The following C10orf71 variants were observed in gnomAD, a reference collection of about 807,000 sequenced individuals.
The protein encoded by C10orf71 is cardiac-enriched FHL2-interacting protein.
For missense variants in C10orf71, 1,869 were observed against 1,804.5 expected (o/e 1.04, Z -0.65); for synonymous variants, 758 against 726.3 (o/e 1.04, Z -0.70).
At chr10:49,297,210 C>A (rs1247638125), upstream of C10orf71, among the ~76,000 whole-genome samples, 1 of 152,204 alleles carries the variant, frequency 6.6e-6, no homozygotes, top group African/African-American at 2.4e-5. Context: ...GGAAGACCAG[C>A]GGCCCTGCCG....
intron 1 of C10orf71, among the ~76,000 whole-genome samples, chr10:49,310,801 G>GAT (rs397722282): frequency 2.6e-5 from 4 of 151,218 alleles, no homozygotes; most frequent in African/African-American, 4.9e-5. Context: ...TGATGATGAT[G>GAT]GTGATGATGA....
At position 49,324,876 on chromosome 10, in the gene C10orf71, T is replaced by A; in HGVS notation, c.2331T>A (p.Asp777Glu). 6.4e-7 allele frequency: 1 copy of A among 1,551,796 alleles called. No homozygotes were observed. The highest frequency in any genetic ancestry group is 8.7e-7 in the Non-Finnish European group (1 of 1,146,988). Reference protein sequence around the residue: ...KDEKENVMRKDELQYCALSNG... With the variant: ...KDEKENVMRKEELQYCALSNG... ...AGAAGGAGAATGTGATGCGGAAGGATGAGCTGCAGTACTGTGCCTTAAGCA... is the reference window on the plus strand; with the variant it reads ...AGAAGGAGAATGTGATGCGGAAGGAAGAGCTGCAGTACTGTGCCTTAAGCA... The change falls in exon 3 of 3, where the codon GAT (aspartate) becomes GAA (glutamate). Residue 777 changes from aspartate to glutamate, a missense_variant. Transcript: ENST00000374144.
rs1848681850 is a variant in C10orf71, at chr10:49,299,238, G to C, written c.-248+5G>C. Reference sequence around the variant, plus strand: ...CCCGGCTGGGTCTCTATTTAGGTAAGCTTCGCGGACTTCCCGTGTCTGGCC... The same window carrying C: ...CCCGGCTGGGTCTCTATTTAGGTAACCTTCGCGGACTTCCCGTGTCTGGCC... On this transcript the variant is annotated splice_donor_5th_base_variant and intron_variant, in intron 1 of 2. Coordinates refer to ENST00000374144, the MANE Select transcript of C10orf71 (RefSeq NM_001135196.2). 1 of 152,170 alleles carries C rather than the reference G, an allele frequency of 6.6e-6. No homozygotes were observed. The highest frequency in any genetic ancestry group is 2.4e-5 in the African/African-American group (1 of 41,402). The allele number at this position is 152,170 out of a possible 1,614,324, so 9.4% of individuals were successfully genotyped here.
chr10:49,322,509 T>G lies in C10orf71; in HGVS notation c.-37T>G. On this transcript the variant is annotated 5_prime_UTR_variant, in exon 3 of 3. Transcript: ENST00000374144. Reference sequence around the variant, plus strand: ...TGACAGAATCATCACCAGAGACACCTGCCGGCTGACAAGGACAGCTTTCTT... The same window carrying G: ...TGACAGAATCATCACCAGAGACACCGGCCGGCTGACAAGGACAGCTTTCTT... 7 of 1,550,754 alleles carry G rather than the reference T, an allele frequency of 4.5e-6. No individual in the cohort carries two copies. Among genetic ancestry groups the G allele is most frequent in the Non-Finnish European group, 6.1e-6 (7 of 1,145,172 alleles).
chr10:49,325,725 C>A lies in C10orf71; in HGVS notation c.3180C>A (p.Gly1060=), dbSNP rs551539055. ...AGAGGGCGAATTCCCCCAACCCCGGCTCCCCCGGGGAGAGCAGTGCCTGCT... is the reference window on the plus strand; with the variant it reads ...AGAGGGCGAATTCCCCCAACCCCGGATCCCCCGGGGAGAGCAGTGCCTGCT... ...PSERANSPNP[G]SPGESSACSP... Residue 1060 remains glycine, a synonymous_variant, in exon 3 of 3, where the codon GGC becomes GGA. Transcript: ENST00000374144. 3.2e-6 allele frequency: 5 copies of A among 1,551,480 alleles called. No individual in the cohort carries two copies. The highest frequency in any genetic ancestry group is 4.4e-6 in the Non-Finnish European group (5 of 1,146,856).
Position 49,323,340 on chromosome 10 carries a change from C to A in C10orf71, c.795C>A (p.Gly265=), listed in dbSNP as rs752719603. The A allele has an allele frequency of 3.1e-6, 5 of 1,613,828 alleles. No homozygotes were observed. The South Asian group carries it at 3.3e-5, about 11-fold the overall frequency. Residue 265 remains glycine, a synonymous_variant, in exon 3 of 3, where the codon GGC becomes GGA. Transcript: ENST00000374144. The part of the protein sequence containing the change: ...HKPVTGEPGR[G]KGTFLHSENS... Reference sequence around the variant, plus strand: ...CAGTCACGGGTGAGCCTGGGAGAGGCAAAGGTACCTTTCTGCACAGTGAAA... The same window carrying A: ...CAGTCACGGGTGAGCCTGGGAGAGGAAAAGGTACCTTTCTGCACAGTGAAA...
rs540256131 is a variant in C10orf71, at chr10:49,322,257, G to A, written c.-144-145G>A. On this transcript the variant is annotated intron_variant, in intron 2 of 2. Transcript: ENST00000374144. The stretch of plus-strand genomic sequence containing the variant: ...ATACCTTCACAGAAACAGCTAGACC[G>A]GTCTACAGTCTATACATATAGCAAG... The A allele has an allele frequency of 2.2e-3, 642 of 288,214 alleles. 3 individuals are homozygous for A. Among genetic ancestry groups the A allele is most frequent in the Non-Finnish European group, 3.3e-3 (515 of 155,418 alleles). 17.9% of individuals were successfully genotyped at this position (288,214 alleles called of 1,614,324 possible). A position where few individuals can be genotyped will look rare whatever the true frequency, so the allele number is the denominator to read the frequency against.
At chr10:49,317,039 G>A (rs144454572) in intron 2 of C10orf71, among the ~76,000 whole-genome samples, 70 of 152,274 alleles carry the variant, frequency 4.6e-4, no homozygotes, top group African/African-American at 1.5e-3. Flanking sequence ...CCAACTAACC[G>A]ATTTTCATCT....
In C10orf71 at chr10:49,323,257, G is replaced by A. The variant is rs755033866; in HGVS notation, c.712G>A (p.Ala238Thr). ...TCACGGCTCCAGCAGCTTCCTCCCA[G>A]CAGCCAATGACACGGCCACCTTATG... ...ACHGSSSFLP[A>T]ANDTATLCES... is the part of the protein sequence containing the mutation. Residue 238 changes from alanine (A) to threonine (T), a missense_variant, in exon 3 of 3, where the codon GCA (alanine) becomes ACA (threonine). Ala to Thr is a moderately conservative substitution (Grantham distance 58, BLOSUM62 0). Coordinates refer to ENST00000374144, the MANE Select transcript of C10orf71 (RefSeq NM_001135196.2). The A allele has an allele frequency of 6.2e-7, 1 of 1,613,658 alleles. No homozygotes were observed. Among genetic ancestry groups the A allele is most frequent in the South Asian group, 1.1e-5 (1 of 91,056 alleles).
At chr10:49,297,415 A>T (rs1435548988), upstream of C10orf71, among the ~76,000 whole-genome samples, 1 of 152,244 alleles carries the variant, frequency 6.6e-6, no homozygotes, top group African/African-American at 2.4e-5. Flanking sequence ...ATGATCTATT[A>T]AGTATTGTTG....
chr10:49,316,333 G>A (rs368852368), intron 2 of C10orf71, 86 bp downstream of exon 2: 1 of 152,202 alleles, frequency 6.6e-6, no homozygotes, highest in Non-Finnish European at 1.5e-5. Context: ...GGCTGGGGGT[G>A]GGGGGAGAAT....
intron 2 of C10orf71, among the ~76,000 whole-genome samples, chr10:49,321,698 T>G (rs1849096166): frequency 6.6e-6 from 1 of 152,198 alleles, no homozygotes; most frequent in Non-Finnish European, 1.5e-5. Context: ...TTTCTCCACA[T>G]CCTTACCAAC....
chr10:49,327,180 T>A lies in C10orf71; in HGVS notation c.*327T>A. 1 of 651,528 alleles carries A rather than the reference T, an allele frequency of 1.5e-6. No homozygotes were observed. Among genetic ancestry groups the A allele is most frequent in the Non-Finnish European group, 2.3e-6 (1 of 430,302 alleles). The allele number at this position is 651,528 out of a possible 1,614,324, so 40.4% of individuals were successfully genotyped here. ...TCTCCTGGCCCACCCTGCTCTTCCC[T>A]CGCCCTGCAAATTAGGTGGGTGTGG... On this transcript the variant is annotated 3_prime_UTR_variant, in exon 3 of 3. Transcript: ENST00000374144.
At position 49,324,035 on chromosome 10, in the gene C10orf71, CT is replaced by C; in HGVS notation, c.1491del (p.Ser498AlafsTer23). 1 of 1,613,800 alleles carries C rather than the reference CT, an allele frequency of 6.2e-7. No homozygotes were observed. The highest frequency in any genetic ancestry group is 8.5e-7 in the Non-Finnish European group (1 of 1,179,786). On this transcript the variant is annotated frameshift_variant, in exon 3 of 3. Transcript: ENST00000374144. LOFTEE classifies it low-confidence loss of function (END_TRUNC). ...QSRDSYKSKA[P>X]SLLFNLKDVR... Reference sequence around the variant, plus strand: ...CGAGACAGCTACAAGTCCAAAGCCCCTAGCCTGCTGTTCAACCTCAAGGACG... The same window carrying C: ...CGAGACAGCTACAAGTCCAAAGCCCCAGCCTGCTGTTCAACCTCAAGGACG...
At chr10:49,315,108 C>T (rs1046367302) in intron 1 of C10orf71, among the ~76,000 whole-genome samples, 4 of 152,112 alleles carry the variant, frequency 2.6e-5, no homozygotes, top group African/African-American at 9.7e-5. Flanking sequence ...CCCATCTAAG[C>T]CAGCCTGGGG....
At chr10:49,297,491 T>C (rs1848657443), upstream of C10orf71, among the ~76,000 whole-genome samples, 3 of 152,110 alleles carry the variant, frequency 2.0e-5, no homozygotes, top group African/African-American at 7.2e-5. Flanking sequence ...TAAAGGAAAA[T>C]AGTAAGTAAA....
Position 49,325,242 on chromosome 10 carries a change from G to C in C10orf71, c.2697G>C (p.Trp899Cys), listed in dbSNP as rs949489674. The C allele has an allele frequency of 2.6e-6, 4 of 1,551,874 alleles. No individual in the cohort carries two copies. The African/African-American group carries it at 5.5e-5, about 21-fold the overall frequency. ...HKEEELPRPE[W>C]GEDPGFCAPE... ...AGGAGGAATTGCCAAGGCCAGAATG[G>C]GGTGAGGATCCTGGGTTTTGTGCCC... The change falls in exon 3 of 3, where the codon TGG becomes TGC. Residue 899 changes from tryptophan to cysteine, a missense_variant. Transcript: ENST00000374144.
At chr10:49,312,426 TGGAGGCAGAGGGCAAAG>T in intron 1 of C10orf71, among the ~76,000 whole-genome samples, 2 of 152,216 alleles carry the variant, frequency 1.3e-5, no homozygotes, top group African/African-American at 4.8e-5. Context: ...CACAATTGCC[TGGAGGCAGAGGGCAAAG>T]CCAGCATTTC....
In C10orf71 at chr10:49,325,025, T is replaced by C; in HGVS notation, c.2480T>C (p.Ile827Thr). The change falls in exon 3 of 3, where the codon ATT (isoleucine) becomes ACT (threonine). Residue 827 changes from isoleucine to threonine, a missense_variant. Physicochemically the swap from Ile to Thr is moderately conservative, Grantham distance 89. Transcript: ENST00000374144. ...AEEANFRGSWIGENKGTTFSQ... is the reference protein window; with the variant it reads ...AEEANFRGSWTGENKGTTFSQ... ...GAAGCTAATTTCAGAGGCTCTTGGA[T>C]TGGGGAAAATAAGGGCACAACCTTT... 6.4e-7 allele frequency: 1 copy of C among 1,551,640 alleles called. No individual in the cohort carries two copies. Among genetic ancestry groups the C allele is most frequent in the African/African-American group, 1.4e-5 (1 of 73,112 alleles).
Sources: allele counts gnomAD v4.1 joint callset (sites outside exome capture counted in the v4.1 genomes callset), GRCh38; gene constraint gnomAD v4.1.1; transcripts MANE v1.5; gene names NCBI Gene and HGNC (gene_info 2026-07-23, HGNC 2026-07-21).